Variants in SAMD12 observed in about 807,000 individuals in gnomAD.
SAMD12 encodes the protein sterile alpha motif domain containing 12.
A neutral mutation model predicts 15.0 loss-of-function variants in SAMD12; 9 were observed. That is an observed-to-expected ratio of 0.60 (90% CI 0.36 to 1.05). The LOEUF (loss-of-function observed/expected upper bound fraction) is 1.05, where lower values mean the gene tolerates loss of function less well. Ranked by LOEUF, SAMD12 falls within the 50% of genes least tolerant of loss-of-function variation. The pLI is 0.01. For synonymous variants in SAMD12, 86 were observed against 90.1 expected (o/e 0.96, Z 0.25); for missense variants, 230 against 234.2 (o/e 0.98, Z 0.12).
intron 2 of SAMD12, among the ~76,000 whole-genome samples, chr8:118,486,923 C>T (rs532737617): frequency 3.9e-4 from 59 of 152,290 alleles, no homozygotes; most frequent in South Asian, 8.3e-4. Context: ...TAGCAGAATG[C>T]AGCCACTGTC....
chr8:118,454,440 C>G (rs1396408384), intron 2 of SAMD12, among the ~76,000 whole-genome samples: 1 of 152,114 alleles, frequency 6.6e-6, no homozygotes, highest in Non-Finnish European at 1.5e-5. Context: ...TTCTTTCACT[C>G]TTTCTGAGAG....
intron 4 of SAMD12, among the ~76,000 whole-genome samples, chr8:118,293,534 T>C (rs1206973553): frequency 6.6e-6 from 1 of 152,252 alleles, no homozygotes; most frequent in Non-Finnish European, 1.5e-5. Flanking sequence ...TAAAAATACA[T>C]GGTTTTCCTC....
chr8:118,412,475 G>A (rs190787025), intron 3 of SAMD12, among the ~76,000 whole-genome samples: 4 of 152,286 alleles, frequency 2.6e-5, no homozygotes, highest in South Asian at 2.1e-4. Flanking sequence ...ATTTGAAGAC[G>A]TCTGAAAATT....
At chr8:118,164,328 T>C in the SAMD12 span, among the ~76,000 whole-genome samples, 2 of 152,158 alleles carry the variant, frequency 1.3e-5, no homozygotes, top group African/African-American at 2.4e-5. Flanking sequence ...TTGAAGGTCA[T>C]ACCAGGCAGT....
chr8:118,338,261 T>G (rs1413713178), intron 4 of SAMD12, among the ~76,000 whole-genome samples: 1 of 152,172 alleles, frequency 6.6e-6, no homozygotes, highest in East Asian at 1.9e-4. Context: ...CCCAAAGACA[T>G]AAATTCTTCC....
chr8:118,503,450 C>T (rs1462455232), intron 2 of SAMD12, among the ~76,000 whole-genome samples: 1 of 152,146 alleles, frequency 6.6e-6, no homozygotes, highest in Admixed American at 6.5e-5. Flanking sequence ...GCTCAGGGAT[C>T]CCTTTTCACG....
At chr8:118,310,600 G>A (rs999273007) in intron 4 of SAMD12, among the ~76,000 whole-genome samples, 3 of 152,160 alleles carry the variant, frequency 2.0e-5, no homozygotes, top group African/African-American at 7.2e-5. Context: ...CACTGCTAAG[G>A]TGGGTATGCT....
At chr8:118,523,698 A>C (rs1354518145) in intron 2 of SAMD12, among the ~76,000 whole-genome samples, 1 of 152,142 alleles carries the variant, frequency 6.6e-6, no homozygotes, top group East Asian at 1.9e-4. Flanking sequence ...AGAGCCAGCA[A>C]GTCAAGGGGA....
chr8:118,620,127 C>T lies in SAMD12; in HGVS notation c.13+1677G>A, dbSNP rs933898004. On this transcript the variant is annotated intron_variant, in intron 1 of 3. Transcript: ENST00000314727. ...TTCACTGGTGTAATCACCCATCACG[C>T]AAGAAATAAGACAAATTTATACTTC... 2.6e-5 allele frequency among the ~76,000 whole-genome samples: 4 copies of T among 152,078 alleles called. No individual in the cohort carries two copies. In the East Asian group the frequency reaches 7.7e-4, roughly 29 times the overall value.
the SAMD12 span, among the ~76,000 whole-genome samples, chr8:118,156,171 G>A: frequency 6.0e-4 from 91 of 152,262 alleles, 1 homozygote; most frequent in African/African-American, 2.1e-3. Context: ...AAGCAGAGGT[G>A]CTCTGTAGCT....
At chr8:118,160,743 T>C in the SAMD12 span, among the ~76,000 whole-genome samples, 4 of 152,206 alleles carry the variant, frequency 2.6e-5, no homozygotes, top group Non-Finnish European at 5.9e-5. Flanking sequence ...AAAAGAAACA[T>C]AAGAGAAAAA....
intron 1 of SAMD12, chr8:118,621,001 A>G (rs560994304): frequency 6.6e-6 from 1 of 152,186 alleles, no homozygotes; most frequent in Non-Finnish European, 1.5e-5. Flanking sequence ...TAAACAAGGA[A>G]GTTTGTGTTC....
At chr8:118,170,004 GA>G in the SAMD12 span, among the ~76,000 whole-genome samples, 2 of 152,124 alleles carry the variant, frequency 1.3e-5, no homozygotes, top group Non-Finnish European at 1.5e-5. Flanking sequence ...GGGCTGCATT[GA>G]GCCATGGCCT....
At chr8:118,578,046 T>C (rs889795100) in intron 2 of SAMD12, among the ~76,000 whole-genome samples, 10 of 152,192 alleles carry the variant, frequency 6.6e-5, no homozygotes, top group South Asian at 4.1e-4. Flanking sequence ...GCTGCTCAAA[T>C]TGTGGAAAAC....
At position 118,469,530 on chromosome 8, in the gene SAMD12, A is replaced by T. The variant is rs1178319198; in HGVS notation, c.193-29569T>A. Among the ~76,000 whole-genome samples, 2 of 2,526 alleles carry T rather than the reference A, an allele frequency of 7.9e-4. 1 individual carries two copies. The highest frequency in any genetic ancestry group is 0.019 in the Admixed American group (2 of 104). 1.7% of individuals were successfully genotyped at this position (2,526 alleles called of 152,430 possible). On this transcript the variant is annotated intron_variant, in intron 2 of 3. Coordinates refer to ENST00000314727, the MANE Select transcript of SAMD12 (RefSeq NM_207506.3). The stretch of plus-strand genomic sequence containing the variant: ...ATATAATATATAATATATATAATAT[A>T]TTATATATATTATATTATTATATAT...
chr8:118,192,672 T>C lies in SAMD12; in HGVS notation c.*5038A>G, dbSNP rs560966166. 15 of 152,258 alleles carry C rather than the reference T, an allele frequency of 9.9e-5. No homozygotes were observed. In the East Asian group the frequency reaches 2.7e-3, roughly 27 times the overall value. 9.4% of individuals were successfully genotyped at this position (152,258 alleles called of 1,614,324 possible). ...CTCCCAAACCATTGGCTCCAATTTA[T>C]GAAAATTGAAAAGAATTTATGAAAA... On this transcript the variant is annotated 3_prime_UTR_variant, in exon 5 of 5. Coordinates refer to the SAMD12 transcript ENST00000409003.
At chr8:118,145,702 C>T in the SAMD12 span, among the ~76,000 whole-genome samples, 1 of 152,174 alleles carries the variant, frequency 6.6e-6, no homozygotes, top group East Asian at 1.9e-4. Flanking sequence ...GCAGATATGA[C>T]ATCTGTCAAA....
At chr8:118,375,350 C>T (rs139778397), downstream of SAMD12, among the ~76,000 whole-genome samples, 10 of 152,226 alleles carry the variant, frequency 6.6e-5, no homozygotes, top group African/African-American at 2.2e-4. Flanking sequence ...CTCTCTTATA[C>T]GCATATGTAA....
intron 4 of SAMD12, among the ~76,000 whole-genome samples, chr8:118,269,220 C>CTCTCTCTCTGTGTG (rs1299970707): frequency 8.1e-6 from 1 of 123,042 alleles, no homozygotes; most frequent in South Asian, 3.1e-4. Context: ...CTCTCTCTCT[C>CTCTCTCTCTGTGTG]TGTGTGTGTG....
Sources: allele counts gnomAD v4.1 joint callset (sites outside exome capture counted in the v4.1 genomes callset), GRCh38; gene constraint gnomAD v4.1.1; transcripts MANE v1.5; gene names NCBI Gene and HGNC (gene_info 2026-07-23, HGNC 2026-07-21).